Variants in EFR3B observed in about 807,000 individuals in gnomAD.
EFR3B encodes the protein EFR3 homolog B.
A neutral mutation model predicts 104.7 loss-of-function variants in EFR3B; 64 were observed. The observed-to-expected ratio is 0.61, with a 90% CI of 0.50 to 0.75. The LOEUF (loss-of-function observed/expected upper bound fraction) is 0.75, where lower values mean the gene tolerates loss of function less well. EFR3B is among the 30% of genes least tolerant of loss of function. The pLI is 0.00. For missense variants in EFR3B, 750 were observed against 1,078.5 expected (o/e 0.70, Z 4.27); for synonymous variants, 385 against 417.9 (o/e 0.92, Z 0.96).
intron 4 of EFR3B, among the ~76,000 whole-genome samples, chr2:25,117,413 T>C (rs1669893205): frequency 3.0e-5 from 4 of 134,306 alleles, no homozygotes; most frequent in Admixed American, 7.4e-5. Context: ...CCCCACCCTC[T>C]TTTTTTTTTT....
chr2:25,122,779 A>G lies in EFR3B; in HGVS notation c.485+985A>G, dbSNP rs147042936. The stretch of plus-strand genomic sequence containing the variant: ...TTTCCCCTTTTAACATGTTTCATAC[A>G]TTACTCTCTGTGTTTCTTGTTCACC... On this transcript the variant is annotated intron_variant, in intron 5 of 22. Transcript: ENST00000403714. Among the ~76,000 whole-genome samples the G allele has an allele frequency of 3.9e-3, 592 of 151,988 alleles. 7 individuals carry two copies. Among genetic ancestry groups the G allele is most frequent in the Non-Finnish European group, 4.1e-3 (276 of 67,978 alleles).
intron 16 of EFR3B, among the ~76,000 whole-genome samples, chr2:25,141,040 CA>C (rs78559860): frequency 0.076 from 5,653 of 74,326 alleles, 85 homozygotes; most frequent in South Asian, 0.17. Flanking sequence ...GACTCCGTCT[CA>C]AAAAAAAAAA....
chr2:25,106,489 A>T (rs1362731955), intron 4 of EFR3B, among the ~76,000 whole-genome samples: 1 of 130,750 alleles, frequency 7.6e-6, no homozygotes, highest in Non-Finnish European at 1.6e-5. Flanking sequence ...ATGGAGTCTC[A>T]CTCTGTTGCC....
Position 25,136,630 on chromosome 2 carries a change from G to C in EFR3B, c.1560+32G>C, listed in dbSNP as rs1190377266. 1 of 1,539,776 alleles carries C rather than the reference G, an allele frequency of 6.5e-7. No homozygotes were observed. Among genetic ancestry groups the C allele is most frequent in the Admixed American group, 2.0e-5 (1 of 50,936 alleles). ...AAGCATGACCTCCAGGCACAGTGAA[G>C]GGCGGGCACGGTGGCTCACGCCTGC... is the stretch of plus-strand genomic sequence containing the variant. On this transcript the variant is annotated intron_variant, in intron 14 of 22. Coordinates refer to ENST00000403714, the MANE Select transcript of EFR3B (RefSeq NM_014971.2). The surrounding 1 kb of genome is among the most constrained non-coding windows in gnomAD (Gnocchi z 4.0).
intron 1 of EFR3B, among the ~76,000 whole-genome samples, chr2:25,065,996 C>T (rs757409892): frequency 4.6e-5 from 7 of 152,224 alleles, no homozygotes; most frequent in African/African-American, 7.2e-5. Flanking sequence ...ACTCTGATCA[C>T]ACATGTCACC....
chr2:25,061,116 A>G (rs1668180934), intron 1 of EFR3B, among the ~76,000 whole-genome samples: 1 of 150,506 alleles, frequency 6.6e-6, no homozygotes, highest in Admixed American at 6.6e-5. Context: ...GGCACCTTGA[A>G]TTGGAGGTTG....
chr2:25,121,654 T>A lies in EFR3B; in HGVS notation c.364-19T>A. 1 of 1,551,616 alleles carries A rather than the reference T, an allele frequency of 6.4e-7. No homozygotes were observed. The highest frequency in any genetic ancestry group is 1.2e-5 in the South Asian group (1 of 84,036). ...GTGGGTCACCTCTCTCGTGTGTTTC[T>A]CTCCTTCCTCCCTGATAGTTTGTGA... On this transcript the variant is annotated intron_variant, in intron 4 of 22. Coordinates refer to ENST00000403714, the MANE Select transcript of EFR3B (RefSeq NM_014971.2).
intron 6 of EFR3B, 144 bp downstream of exon 6, chr2:25,128,476 A>G (rs1286302667): frequency 2.8e-6 from 3 of 1,083,038 alleles, no homozygotes; most frequent in Non-Finnish European, 3.9e-6. Context: ...AGTGAGTCCA[A>G]AGCTGGCTCC....
intron 16 of EFR3B, 89 bp downstream of exon 16, chr2:25,139,279 C>T: frequency 7.0e-7 from 1 of 1,421,338 alleles, no homozygotes; most frequent in Non-Finnish European, 9.3e-7. Context: ...AGTCCTGTAC[C>T]TACACTTAGG....
intron 18 of EFR3B, 99 bp downstream of exon 18, chr2:25,143,961 G>A: frequency 4.9e-6 from 7 of 1,428,496 alleles, no homozygotes; most frequent in Non-Finnish European, 5.6e-6. Flanking sequence ...GATTGCCTGT[G>A]AGGCACCTTG....
In EFR3B at chr2:25,130,229, T is replaced by C; in HGVS notation, c.770+120T>C. ...TTACAGTTGTGGTGCCGCAGCCGAG[T>C]CGATCCCTTCCCTGTGCCTGTGTTC... On this transcript the variant is annotated intron_variant, in intron 7 of 22. Coordinates refer to ENST00000403714, the MANE Select transcript of EFR3B (RefSeq NM_014971.2). The surrounding 1 kb of genome is among the most constrained non-coding windows in gnomAD (Gnocchi z 4.6). The C allele has an allele frequency of 7.0e-7, 1 of 1,425,076 alleles. No individual in the cohort carries two copies. Among genetic ancestry groups the C allele is most frequent in the South Asian group, 1.4e-5 (1 of 73,582 alleles). The allele number at this position is 1,425,076 out of a possible 1,614,324, so 88.3% of individuals were successfully genotyped here.
chr2:25,059,238 G>A (rs1044430690), intron 1 of EFR3B, among the ~76,000 whole-genome samples: 5 of 151,374 alleles, frequency 3.3e-5, no homozygotes, highest in East Asian at 2.0e-4. Context: ...TCAGCCTCCC[G>A]AGTAGGTGGA....
intron 5 of EFR3B, among the ~76,000 whole-genome samples, chr2:25,122,263 G>A (rs917054601): frequency 3.3e-5 from 5 of 152,002 alleles, no homozygotes; most frequent in African/African-American, 9.7e-5. Flanking sequence ...CACTACACCC[G>A]GCCCCCACAT....
intron 4 of EFR3B, among the ~76,000 whole-genome samples, chr2:25,105,105 A>G (rs1669528620): frequency 6.6e-6 from 1 of 152,160 alleles, no homozygotes; most frequent in Non-Finnish European, 1.5e-5. Flanking sequence ...AGGTATCACA[A>G]AAGTTTAAGG....
At chr2:25,067,213 C>T (rs983044688) in intron 1 of EFR3B, among the ~76,000 whole-genome samples, 8 of 152,004 alleles carry the variant, frequency 5.3e-5, no homozygotes, top group Non-Finnish European at 1.2e-4. Flanking sequence ...CAGTTTAAGT[C>T]GCTCCTCACC....
chr2:25,046,744 C>T (rs1180913972), intron 1 of EFR3B, among the ~76,000 whole-genome samples: 2 of 151,886 alleles, frequency 1.3e-5, no homozygotes, highest in Admixed American at 1.3e-4. Flanking sequence ...ACCTCGTGAT[C>T]CGCCCGCCTC....
At chr2:25,068,622 GT>G (rs1028576000) in intron 1 of EFR3B, among the ~76,000 whole-genome samples, 3 of 145,688 alleles carry the variant, frequency 2.1e-5, no homozygotes, top group African/African-American at 5.1e-5. Context: ...AGTCACTTTT[GT>G]TTTTTTTATG....
At chr2:25,043,383 C>T (rs1558578172) in intron 1 of EFR3B, among the ~76,000 whole-genome samples, 1 of 152,214 alleles carries the variant, frequency 6.6e-6, no homozygotes, top group Non-Finnish European at 1.5e-5. Context: ...CTCGGCTGCT[C>T]AGCTGCCTCG....
At chr2:25,081,187 T>A in intron 1 of EFR3B, 4 of 766,874 alleles carry the variant, frequency 5.2e-6, no homozygotes, top group Non-Finnish European at 9.0e-6. Context: ...AACAACTTTT[T>A]CCCAATCATT....
Sources: allele counts gnomAD v4.1 joint callset (sites outside exome capture counted in the v4.1 genomes callset), GRCh38; gene constraint gnomAD v4.1.1; non-coding constraint Gnocchi (gnomAD v3.1); transcripts MANE v1.5; gene names NCBI Gene and HGNC (gene_info 2026-07-23, HGNC 2026-07-21).